Variants in SLC9B1 observed in about 807,000 individuals in gnomAD.
SLC9B1 encodes the protein solute carrier family 9 member B1.
In SLC9B1, 32 loss-of-function variants were observed where a neutral mutation model predicts 51.7. The ratio of observed to expected loss-of-function variants is 0.62; its 90% CI spans 0.47 to 0.83. SLC9B1 has a LOEUF of 0.83. Among genes scored for constraint, SLC9B1 ranks in the 40% least tolerant of loss-of-function variants. The probability of loss-of-function intolerance (pLI) is 0.00; values close to 1 mark genes in which losing one functional copy is unlikely to be tolerated. For missense variants in SLC9B1, 406 were observed against 613.2 expected (o/e 0.66, Z 3.57); for synonymous variants, 145 against 212.7 (o/e 0.68, Z 2.77).
At chr4:102,920,287 C>A (rs1363936056) in intron 7 of SLC9B1, among the ~76,000 whole-genome samples, 1 of 152,180 alleles carries the variant, frequency 6.6e-6, no homozygotes, top group African/African-American at 2.4e-5. Context: ...GGAACTCCAG[C>A]AAACTCCAAC....
chr4:102,989,353 A>C (rs1739826258), intron 3 of SLC9B1, among the ~76,000 whole-genome samples: 1 of 151,966 alleles, frequency 6.6e-6, no homozygotes, highest in Non-Finnish European at 1.5e-5. Flanking sequence ...GCTGACAACA[A>C]CACTATGCTT....
At chr4:102,984,646 A>G (rs1189228354) in intron 3 of SLC9B1, among the ~76,000 whole-genome samples, 1 of 152,156 alleles carries the variant, frequency 6.6e-6, no homozygotes, top group African/African-American at 2.4e-5. Flanking sequence ...TATTAGCCGG[A>G]GCAGAATTTG....
At chr4:102,908,514 G>A (rs1416142567) in intron 9 of SLC9B1, among the ~76,000 whole-genome samples, 3 of 152,294 alleles carry the variant, frequency 2.0e-5, no homozygotes, top group Admixed American at 2.0e-4. Context: ...ATGTATATAT[G>A]TATAACCTTA....
chr4:102,913,583 G>T (rs1235996647), intron 7 of SLC9B1, among the ~76,000 whole-genome samples: 1 of 151,730 alleles, frequency 6.6e-6, no homozygotes, highest in Non-Finnish European at 1.5e-5. Flanking sequence ...AAAATAACAG[G>T]CATAAGAAGA....
intron 3 of SLC9B1, among the ~76,000 whole-genome samples, chr4:102,977,982 T>C (rs1228816209): frequency 6.6e-6 from 1 of 152,180 alleles, no homozygotes; most frequent in East Asian, 1.9e-4. Flanking sequence ...CAACCATCCC[T>C]GGTGTGTGAT....
chr4:102,918,375 C>T (rs1477607662), intron 7 of SLC9B1, among the ~76,000 whole-genome samples: 3 of 152,052 alleles, frequency 2.0e-5, no homozygotes, highest in Admixed American at 6.5e-5. Context: ...TCTTAATAGA[C>T]CTATAACTAG....
At chr4:102,928,652 G>T (rs1406101650) in intron 7 of SLC9B1, among the ~76,000 whole-genome samples, 2 of 152,074 alleles carry the variant, frequency 1.3e-5, no homozygotes, top group Non-Finnish European at 2.9e-5. Flanking sequence ...AGAACTAATA[G>T]GATATATGTA....
At position 102,994,817 on chromosome 4, in the gene SLC9B1, G is replaced by A. The variant is rs925325851; in HGVS notation, c.-1-3105C>T. On this transcript the variant is annotated intron_variant, in intron 1 of 11. Coordinates refer to ENST00000296422, the MANE Select transcript of SLC9B1 (RefSeq NM_139173.4). ...TTATAAAATCATCAGATCTCATGAC[G>A]TGATCACATCAGATCACTCATTATC... Among the ~76,000 whole-genome samples, 5 of 152,246 alleles carry A rather than the reference G, an allele frequency of 3.3e-5. No homozygotes were observed. The East Asian group carries it at 5.8e-4, about 18-fold the overall frequency.
chr4:102,907,533 A>G (rs1414574365), intron 9 of SLC9B1, among the ~76,000 whole-genome samples: 1 of 152,220 alleles, frequency 6.6e-6, no homozygotes, highest in Non-Finnish European at 1.5e-5. Context: ...TTAACTGCCT[A>G]CCCAGCTTCC....
chr4:102,971,280 C>A (rs1738747794), intron 3 of SLC9B1, among the ~76,000 whole-genome samples: 1 of 152,168 alleles, frequency 6.6e-6, no homozygotes, highest in Non-Finnish European at 1.5e-5. Context: ...GAAATCACAA[C>A]AAACTGTCTC....
chr4:102,902,180 T>C (rs1275642749), intron 11 of SLC9B1, among the ~76,000 whole-genome samples: 4 of 152,164 alleles, frequency 2.6e-5, no homozygotes, highest in Non-Finnish European at 5.9e-5. Flanking sequence ...TAACCCTCTT[T>C]CTTTGTGTTT....
At chr4:102,886,502 A>T (rs906451762) in intron 11 of SLC9B1, among the ~76,000 whole-genome samples, 2 of 152,208 alleles carry the variant, frequency 1.3e-5, no homozygotes, top group African/African-American at 2.4e-5. Flanking sequence ...AAAAAAAGAA[A>T]AAAAAGAATA....
intron 11 of SLC9B1, among the ~76,000 whole-genome samples, chr4:102,903,442 T>A (rs2110423525): frequency 6.6e-6 from 1 of 152,316 alleles, no homozygotes; most frequent in South Asian, 2.1e-4. Flanking sequence ...ACAACACTGC[T>A]AAGAAACAGA....
At chr4:102,889,816 C>A (rs1377271016) in intron 11 of SLC9B1, 1 of 151,974 alleles carries the variant, frequency 6.6e-6, no homozygotes, top group Non-Finnish European at 1.5e-5. Flanking sequence ...TTTATCTTGT[C>A]CATCTTTAAA....
At chr4:102,926,703 CATCAAGCTACT>C (rs1736197780) in intron 7 of SLC9B1, among the ~76,000 whole-genome samples, 5 of 152,262 alleles carry the variant, frequency 3.3e-5, no homozygotes, top group African/African-American at 1.2e-4. Context: ...ATACTATCCC[CATCAAGCTACT>C]AATGACTTTC....
chr4:103,008,149 C>T (rs745724849), intron 1 of SLC9B1, among the ~76,000 whole-genome samples: 1 of 152,142 alleles, frequency 6.6e-6, no homozygotes, highest in Non-Finnish European at 1.5e-5. Context: ...TACATAAACA[C>T]ACATATATAC....
At chr4:102,971,225 C>T (rs148114958) in intron 3 of SLC9B1, among the ~76,000 whole-genome samples, 2,544 of 152,188 alleles carry the variant, frequency 0.017, 70 homozygotes, top group African/African-American at 0.055. Context: ...CAAAATTGAC[C>T]ACCTAGTTTG....
At chr4:102,973,415 A>G (rs886220439) in intron 3 of SLC9B1, among the ~76,000 whole-genome samples, 2 of 152,206 alleles carry the variant, frequency 1.3e-5, no homozygotes, top group African/African-American at 4.8e-5. Flanking sequence ...ACAAATTGAC[A>G]GAATTACAAA....
intron 7 of SLC9B1, among the ~76,000 whole-genome samples, chr4:102,930,137 T>C (rs1170074810): frequency 6.6e-6 from 1 of 152,220 alleles, no homozygotes; most frequent in Non-Finnish European, 1.5e-5. Flanking sequence ...AACATGGATA[T>C]TTAACAGCAC....
Sources: gnomAD v4.1 joint callset for allele counts (sites outside exome capture counted in the v4.1 genomes callset) on GRCh38, gnomAD v4.1.1 for gene constraint, MANE v1.5 for transcripts, NCBI Gene and HGNC (gene_info 2026-07-23, HGNC 2026-07-21) for gene names.